SOAT1: variants seen among roughly 807,000 people sequenced by gnomAD.
SOAT1 encodes the protein acyl-coenzyme A:cholesterol acyltransferase 1.
In SOAT1, 55 loss-of-function variants were observed where a neutral mutation model predicts 69.5. The ratio of observed to expected loss-of-function variants is 0.79; its 90% CI spans 0.64 to 0.99. The LOEUF (loss-of-function observed/expected upper bound fraction) is 0.99, where lower values mean the gene tolerates loss of function less well. Ranked by LOEUF, SOAT1 falls within the 50% of genes least tolerant of loss-of-function variation. The pLI is 0.00. For missense variants in SOAT1, 580 were observed against 669.3 expected (o/e 0.87, Z 1.47); for synonymous variants, 231 against 224.7 (o/e 1.03, Z -0.25).
At chr1:179,340,988 A>C (rs1240062173) in intron 6 of SOAT1, 40 bp from the exon 7 acceptor site, 37 of 1,576,712 alleles carry the variant, frequency 2.3e-5, no homozygotes, top group Non-Finnish European at 3.2e-5. Context: ...TATATTAAAA[A>C]TTCACCTCTA....
intron 10 of SOAT1, among the ~76,000 whole-genome samples, chr1:179,344,177 A>G (rs1320742759): frequency 6.6e-6 from 1 of 152,084 alleles, no homozygotes; most frequent in East Asian, 1.9e-4. Flanking sequence ...TTCAGTAAGC[A>G]TTAATTTCCC....
At chr1:179,338,648 C>T (rs779722972) in intron 5 of SOAT1, among the ~76,000 whole-genome samples, 5 of 151,884 alleles carry the variant, frequency 3.3e-5, no homozygotes, top group Non-Finnish European at 5.9e-5. Context: ...TGGGGGAAAA[C>T]GCAGGCTTTT....
intron 3 of SOAT1, among the ~76,000 whole-genome samples, chr1:179,326,990 G>C (rs966181190): frequency 6.6e-6 from 1 of 152,188 alleles, no homozygotes; most frequent in Non-Finnish European, 1.5e-5. Context: ...TCTAGACCGA[G>C]GAAACAGATG....
intron 1 of SOAT1, among the ~76,000 whole-genome samples, chr1:179,296,493 A>AT (rs765486481): frequency 5.9e-5 from 9 of 151,908 alleles, no homozygotes; most frequent in East Asian, 1.9e-4. Flanking sequence ...TTTGTTTTGC[A>AT]TTTTTTTTGC....
intron 2 of SOAT1, among the ~76,000 whole-genome samples, chr1:179,313,347 G>A (rs947898232): frequency 1.3e-5 from 2 of 152,094 alleles, no homozygotes; most frequent in Admixed American, 6.6e-5. Context: ...AATGTAGTCT[G>A]GTTGAGCACT....
Position 179,302,718 on chromosome 1 carries a change from C to T in SOAT1, c.34C>T (p.Arg12Trp), listed in dbSNP as rs748380721. The T allele has an allele frequency of 1.9e-5, 30 of 1,609,086 alleles. No individual in the cohort carries two copies. The highest frequency in any genetic ancestry group is 2.4e-5 in the Non-Finnish European group (28 of 1,178,726). Residue 12 changes from arginine to tryptophan, a missense_variant, in exon 2 of 16, where the codon CGG (arginine) becomes TGG (tryptophan). Coordinates refer to ENST00000367619, the MANE Select transcript of SOAT1 (RefSeq NM_003101.6). The part of the protein sequence containing the change: ...VGEEKMSLRN[R>W]LSKSRENPEE... ...TGAAGAGAAGATGTCTCTAAGAAAC[C>T]GGCTGTCAAAGTCCAGGGAAAATCC...
chr1:179,297,417 A>T (rs1004185036), intron 1 of SOAT1, among the ~76,000 whole-genome samples: 1 of 151,764 alleles, frequency 6.6e-6, no homozygotes, highest in Non-Finnish European at 1.5e-5. Context: ...GCTCACTGCA[A>T]CCTCCGCCTC....
chr1:179,342,616 ATTC>A (rs1666381029), intron 8 of SOAT1, among the ~76,000 whole-genome samples: 1 of 152,156 alleles, frequency 6.6e-6, no homozygotes, highest in Non-Finnish European at 1.5e-5. Context: ...GTGCCTGCCT[ATTC>A]TTTGCAAATT....
chr1:179,337,026 C>T (rs1378459828), intron 4 of SOAT1, among the ~76,000 whole-genome samples: 1 of 151,684 alleles, frequency 6.6e-6, no homozygotes, highest in Non-Finnish European at 1.5e-5. Context: ...TTACGTGCCT[C>T]TCTATTTGCT....
At chr1:179,336,754 T>C (rs1434098305) in intron 4 of SOAT1, among the ~76,000 whole-genome samples, 5 of 152,098 alleles carry the variant, frequency 3.3e-5, no homozygotes, top group Admixed American at 2.6e-4. Flanking sequence ...CCCAGCACTT[T>C]GGGAGACCAA....
At chr1:179,353,484 T>C in intron 15 of SOAT1, 101 bp from the exon 16 acceptor site, 1 of 1,014,172 alleles carries the variant, frequency 9.9e-7, no homozygotes. Context: ...GGAGGCATTT[T>C]AGAGATGTAC....
chr1:179,330,777 C>G (rs1037538012), intron 3 of SOAT1, among the ~76,000 whole-genome samples: 12 of 152,244 alleles, frequency 7.9e-5, no homozygotes, highest in Admixed American at 6.5e-5. Flanking sequence ...CCACATGGCT[C>G]TAGTCATTTT....
chr1:179,294,058 G>A (rs1469652741), intron 1 of SOAT1, 122 bp downstream of exon 1: 2 of 152,306 alleles, frequency 1.3e-5, no homozygotes, highest in African/African-American at 2.4e-5. Context: ...GGGCTGTGCT[G>A]CGGAGAAGGC....
chr1:179,319,459 G>T (rs977454007), intron 2 of SOAT1, among the ~76,000 whole-genome samples: 1 of 151,578 alleles, frequency 6.6e-6, no homozygotes, highest in Non-Finnish European at 1.5e-5. Context: ...TAGTAGAGAC[G>T]GGGTTTCTCC....
chr1:179,353,217 A>ATTTATATT (rs1347643992), intron 15 of SOAT1, among the ~76,000 whole-genome samples: 2 of 119,706 alleles, frequency 1.7e-5, no homozygotes, highest in Non-Finnish European at 3.4e-5. Flanking sequence ...AAATATATAT[A>ATTTATATT]TATATATCTA....
chr1:179,318,653 A>G (rs774610635), intron 2 of SOAT1, among the ~76,000 whole-genome samples: 3 of 152,106 alleles, frequency 2.0e-5, no homozygotes, highest in South Asian at 4.1e-4. Flanking sequence ...GGCAACCACC[A>G]GCGTTTTGTC....
At chr1:179,328,970 C>G (rs542830780) in intron 3 of SOAT1, among the ~76,000 whole-genome samples, 332 of 149,394 alleles carry the variant, frequency 2.2e-3, no homozygotes, top group African/African-American at 7.7e-3. Flanking sequence ...CATTTGAGCC[C>G]AGCAGGTGGA....
chr1:179,325,106 G>A (rs1011498162), intron 3 of SOAT1, among the ~76,000 whole-genome samples: 45 of 147,226 alleles, frequency 3.1e-4, no homozygotes, highest in Non-Finnish European at 8.9e-5. Context: ...CGGCTGGCAC[G>A]TGCTAGTTTT....
chr1:179,325,628 A>G (rs753988080), intron 3 of SOAT1, among the ~76,000 whole-genome samples: 3 of 152,130 alleles, frequency 2.0e-5, no homozygotes, highest in Admixed American at 6.5e-5. Flanking sequence ...TGTGAGGGCA[A>G]GTTTCAAATA....
Sources: gnomAD v4.1 joint callset for allele counts (sites outside exome capture counted in the v4.1 genomes callset) on GRCh38, gnomAD v4.1.1 for gene constraint, MANE v1.5 for transcripts, NCBI Gene and HGNC (gene_info 2026-07-23, HGNC 2026-07-21) for gene names.